Variants in SPATA6 observed in about 807,000 individuals in gnomAD.
SPATA6 encodes spermatogenesis-associated protein 6.
A neutral mutation model predicts 65.3 loss-of-function variants in SPATA6; 56 were observed. The ratio of observed to expected loss-of-function variants is 0.86; its 90% CI spans 0.69 to 1.07. The LOEUF is 1.07. Among genes scored for constraint, SPATA6 ranks in the 50% least tolerant of loss-of-function variants. SPATA6 has a pLI of 0.00. For synonymous variants in SPATA6, 199 were observed against 213.2 expected (o/e 0.93, Z 0.58); for missense variants, 590 against 594.8 (o/e 0.99, Z 0.08).
intron 3 of SPATA6, among the ~76,000 whole-genome samples, chr1:48,415,359 A>T (rs780084784): frequency 3.9e-5 from 6 of 152,230 alleles, no homozygotes; most frequent in African/African-American, 1.4e-4. Flanking sequence ...TATCAGGCAT[A>T]TAAGTGTGAG....
At chr1:48,299,539 A>AAAAAAAAAAAAAC (rs1644884798) in intron 12 of SPATA6, among the ~76,000 whole-genome samples, 1 of 150,522 alleles carries the variant, frequency 6.6e-6, no homozygotes, top group Non-Finnish European at 1.5e-5. Flanking sequence ...AAAAAAAAAG[A>AAAAAAAAAAAAAC]ATGCATAGTT....
chr1:48,280,748 A>G, the SPATA6 span, among the ~76,000 whole-genome samples: 3 of 152,226 alleles, frequency 2.0e-5, no homozygotes, highest in Non-Finnish European at 1.5e-5. Context: ...GAATTCTGCC[A>G]GAGGTACAAG....
intron 12 of SPATA6, among the ~76,000 whole-genome samples, chr1:48,299,759 A>AGAAGTTG (rs1463764115): frequency 6.6e-6 from 1 of 152,134 alleles, no homozygotes; most frequent in African/African-American, 2.4e-5. Context: ...TACAACACAT[A>AGAAGTTG]GAAGTTGGTA....
intron 11 of SPATA6, chr1:48,325,822 C>T: frequency 2.3e-6 from 1 of 429,520 alleles, no homozygotes. Flanking sequence ...TGTGAGGCTC[C>T]AACTGAATGT....
intron 6 of SPATA6, among the ~76,000 whole-genome samples, chr1:48,402,282 C>A (rs1226231419): frequency 6.6e-6 from 1 of 152,010 alleles, no homozygotes; most frequent in Non-Finnish European, 1.5e-5. Context: ...AAGCTGTACC[C>A]TGAGAATGTA....
At chr1:48,425,259 G>A (rs1228845522) in intron 3 of SPATA6, among the ~76,000 whole-genome samples, 1 of 152,090 alleles carries the variant, frequency 6.6e-6, no homozygotes, top group African/African-American at 2.4e-5. Context: ...TCTTTCCCCA[G>A]TGTTATGTTT....
chr1:48,365,331 T>C (rs1418430359), intron 9 of SPATA6, among the ~76,000 whole-genome samples: 2 of 152,218 alleles, frequency 1.3e-5, no homozygotes, highest in Non-Finnish European at 2.9e-5. Flanking sequence ...TCCAATTCTA[T>C]GAAGAAAGTC....
intron 5 of SPATA6, among the ~76,000 whole-genome samples, chr1:48,407,665 C>A (rs1378843279): frequency 6.6e-6 from 1 of 152,218 alleles, no homozygotes; most frequent in Non-Finnish European, 1.5e-5. Context: ...GTTTTTCAAG[C>A]ATGAAAACTT....
chr1:48,403,542 C>A (rs1328384937), intron 6 of SPATA6, among the ~76,000 whole-genome samples: 1 of 152,100 alleles, frequency 6.6e-6, no homozygotes, highest in Non-Finnish European at 1.5e-5. Flanking sequence ...GCGCTAAAAT[C>A]AAAAAGTCCA....
At chr1:48,432,726 G>A (rs1654524264) in intron 3 of SPATA6, among the ~76,000 whole-genome samples, 1 of 152,052 alleles carries the variant, frequency 6.6e-6, no homozygotes. Flanking sequence ...GGTAATTTCT[G>A]AAAAAAATTA....
In SPATA6 at chr1:48,297,147, T is replaced by TGTGTGTGC. The variant is rs1644828965; in HGVS notation, c.*1565_*1566insGCACACAC. The TGTGTGTGC allele has an allele frequency of 6.6e-6, 1 of 151,586 alleles. No individual in the cohort carries two copies. Among genetic ancestry groups the TGTGTGTGC allele is most frequent in the Non-Finnish European group, 1.5e-5 (1 of 68,362 alleles). The allele number at this position is 151,586 out of a possible 1,614,324, so 9.4% of individuals were successfully genotyped here. ...AGAGGTGTGTGTGTGTGTGTGTGTG[T>TGTGTGTGC]GTGTGTGTGTGTGTGTATGTGTGTA... On this transcript the variant is annotated 3_prime_UTR_variant, in exon 13 of 13. Transcript: ENST00000371847.
chr1:48,292,203 A>G (rs571916818), downstream of SPATA6, among the ~76,000 whole-genome samples: 105 of 152,216 alleles, frequency 6.9e-4, no homozygotes, highest in Non-Finnish European at 1.2e-3. Context: ...TTTGGTAAGA[A>G]AAGTTCTTCA....
At chr1:48,447,401 C>A (rs1021046026) in intron 3 of SPATA6, among the ~76,000 whole-genome samples, 10 of 152,102 alleles carry the variant, frequency 6.6e-5, no homozygotes, top group African/African-American at 2.4e-4. Flanking sequence ...CACCTGTAGT[C>A]CCAGCCACTC....
chr1:48,458,664 T>C (rs1241810853), intron 1 of SPATA6, among the ~76,000 whole-genome samples: 8 of 152,126 alleles, frequency 5.3e-5, no homozygotes, highest in Non-Finnish European at 8.8e-5. Context: ...AAAAGCATTA[T>C]GCTAAGTAAA....
At chr1:48,293,747 A>G (rs962757548), downstream of SPATA6, among the ~76,000 whole-genome samples, 8 of 152,224 alleles carry the variant, frequency 5.3e-5, no homozygotes, top group Admixed American at 5.2e-4. Context: ...ATGCTATCCA[A>G]GACAGCTAGA....
Position 48,399,512 on chromosome 1 carries a change from C to T in SPATA6, c.619G>A (p.Glu207Lys), listed in dbSNP as rs767117045. ...GATTTTGAAGAAATTGTAGGCTGTT[C>T]GTAGTTTTTTGCATTTATACAGTAT... ...SKYCINAKNY[E>K]QPTISSKSHS... Residue 207 changes from glutamate to lysine, a missense_variant, in exon 7 of 13, where the codon GAA (glutamate) becomes AAA (lysine). Transcript: ENST00000371847. 4 of 1,612,904 alleles carry T rather than the reference C, an allele frequency of 2.5e-6. No homozygotes were observed. Among genetic ancestry groups the T allele is most frequent in the East Asian group, 2.2e-5 (1 of 44,842 alleles).
At chr1:48,283,359 AT>A in the SPATA6 span, among the ~76,000 whole-genome samples, 21 of 137,844 alleles carry the variant, frequency 1.5e-4, no homozygotes, top group South Asian at 1.2e-3. Context: ...AATAAAAAAA[AT>A]TTTTAAAAAA....
At chr1:48,304,524 T>C (rs907161710) in intron 12 of SPATA6, among the ~76,000 whole-genome samples, 72 of 152,296 alleles carry the variant, frequency 4.7e-4, no homozygotes, top group African/African-American at 1.6e-3. Flanking sequence ...GTATTTATTT[T>C]GTAGAGACAG....
At chr1:48,289,510 T>C in the SPATA6 span, among the ~76,000 whole-genome samples, 7 of 152,056 alleles carry the variant, frequency 4.6e-5, no homozygotes, top group African/African-American at 1.7e-4. Flanking sequence ...CTTTGACAAG[T>C]TGAGAGAAGG....
Sources: gnomAD v4.1 joint callset for allele counts (sites outside exome capture counted in the v4.1 genomes callset) on GRCh38, gnomAD v4.1.1 for gene constraint, MANE v1.5 for transcripts, NCBI Gene and HGNC (gene_info 2026-07-23, HGNC 2026-07-21) for gene names.